ABLIM1: variants seen among roughly 807,000 people sequenced by gnomAD.
ABLIM1 encodes the protein actin binding LIM protein 1.
A neutral mutation model predicts 107.0 loss-of-function variants in ABLIM1; 40 were observed. That is an observed-to-expected ratio of 0.37 (90% CI 0.29 to 0.49). The LOEUF is 0.49. Among genes scored for constraint, ABLIM1 ranks in the 20% least tolerant of loss-of-function variants. ABLIM1 has a pLI of 0.97. For missense variants in ABLIM1, 857 were observed against 1,008.5 expected (o/e 0.85, Z 2.04); for synonymous variants, 357 against 357.3 (o/e 1.00, Z 0.01).
rs56848531 is a variant in ABLIM1 at position 114,684,223 on chromosome 10, T to C, written c.64+67A>G. 7.3e-4 allele frequency: 1,102 copies of C among 1,506,508 alleles called. 7 individuals carry two copies. The African/African-American group carries it at 0.014, about 19-fold the overall frequency. The allele number at this position is 1,506,508 out of a possible 1,614,324, so 93.3% of individuals were successfully genotyped here. The stretch of plus-strand genomic sequence containing the variant: ...AAATGGAAAAGCCCTGCATCTTTCC[T>C]CATCTTTAAAGACACGGTCGACCCC... On this transcript the variant is annotated intron_variant, in intron 1 of 23. Transcript: ENST00000369256.
intron 1 of ABLIM1, among the ~76,000 whole-genome samples, chr10:114,706,447 G>A (rs978514063): frequency 6.6e-6 from 1 of 152,180 alleles, no homozygotes; most frequent in African/African-American, 2.4e-5. Context: ...ATGTCTGCTG[G>A]CAATGATGAT....
chr10:114,717,676 A>C (rs1266682385), intron 1 of ABLIM1, among the ~76,000 whole-genome samples: 1 of 152,120 alleles, frequency 6.6e-6, no homozygotes, highest in African/African-American at 2.4e-5. Flanking sequence ...GCACTTTGGG[A>C]GGCTGAAGCG....
intron 4 of ABLIM1, among the ~76,000 whole-genome samples, chr10:114,563,487 C>A (rs1030239964): frequency 5.3e-5 from 8 of 152,006 alleles, no homozygotes; most frequent in Admixed American, 5.2e-4. Context: ...TGCGCCAATG[C>A]GGTTTCTTAG....
chr10:114,542,577 CGAG>C (rs1217299942), intron 6 of ABLIM1, among the ~76,000 whole-genome samples: 2 of 97,636 alleles, frequency 2.0e-5, no homozygotes, highest in Non-Finnish European at 2.3e-5. Flanking sequence ...GGGAGGAGGA[CGAG>C]GAGGAGGAGG....
At chr10:114,509,378 G>A (rs1007303452) in intron 6 of ABLIM1, among the ~76,000 whole-genome samples, 19 of 152,084 alleles carry the variant, frequency 1.2e-4, no homozygotes, top group African/African-American at 4.6e-4. Flanking sequence ...AGGCAACCAA[G>A]GAGCTCTTTG....
intron 19 of ABLIM1, 106 bp downstream of exon 19, chr10:114,440,911 T>C: frequency 2.7e-6 from 3 of 1,123,746 alleles, no homozygotes; most frequent in Non-Finnish European, 4.0e-6. Flanking sequence ...GTGATCCTAC[T>C]CTAAGGATAC....
chr10:114,672,936 A>T (rs2080317140), intron 1 of ABLIM1, among the ~76,000 whole-genome samples: 1 of 152,100 alleles, frequency 6.6e-6, no homozygotes, highest in Non-Finnish European at 1.5e-5. Context: ...GGTATTGTTT[A>T]TGGATTCTAC....
chr10:114,611,476 A>T (rs1327894567), intron 1 of ABLIM1, among the ~76,000 whole-genome samples: 1 of 151,808 alleles, frequency 6.6e-6, no homozygotes, highest in Non-Finnish European at 1.5e-5. Flanking sequence ...CCTAGAAAAA[A>T]AAAAAAAAGA....
At chr10:114,736,805 C>A (rs2082189499) in intron 1 of ABLIM1, among the ~76,000 whole-genome samples, 1 of 152,196 alleles carries the variant, frequency 6.6e-6, no homozygotes, top group Non-Finnish European at 1.5e-5. Context: ...GGCACACCTG[C>A]ACAGCCTAGA....
chr10:114,788,690 C>G, the ABLIM1 span, among the ~76,000 whole-genome samples: 1 of 151,146 alleles, frequency 6.6e-6, no homozygotes, highest in Non-Finnish European at 1.5e-5. Flanking sequence ...ATTGCCCCAC[C>G]GCACTCCAGC....
At chr10:114,725,441 T>C (rs544181104) in intron 1 of ABLIM1, among the ~76,000 whole-genome samples, 1 of 152,310 alleles carries the variant, frequency 6.6e-6, no homozygotes, top group African/African-American at 2.4e-5. Flanking sequence ...CCAGCATACC[T>C]GTATGTGCCA....
chr10:114,439,624 C>T, intron 20 of ABLIM1: 1 of 367,568 alleles, frequency 2.7e-6, no homozygotes, highest in Non-Finnish European at 5.0e-6. Flanking sequence ...TTCTTTCTTT[C>T]TTTTTTTAAC....
intron 1 of ABLIM1, among the ~76,000 whole-genome samples, chr10:114,739,398 G>A (rs1223646606): frequency 1.3e-5 from 2 of 152,150 alleles, no homozygotes; most frequent in Non-Finnish European, 2.9e-5. Flanking sequence ...AGGCAGGACA[G>A]GGTTGGGAGA....
chr10:114,798,175 C>T, the ABLIM1 span, among the ~76,000 whole-genome samples: 1 of 152,196 alleles, frequency 6.6e-6, no homozygotes, highest in Middle Eastern at 3.2e-3. Flanking sequence ...AATCCCAGCA[C>T]TTTGGGAGGC....
intron 11 of ABLIM1, among the ~76,000 whole-genome samples, chr10:114,467,622 A>G (rs1410469852): frequency 6.6e-6 from 1 of 152,264 alleles, no homozygotes; most frequent in Non-Finnish European, 1.5e-5. Flanking sequence ...GAATATAGGT[A>G]GAAATTAATA....
chr10:114,568,371 C>T (rs933847789), intron 4 of ABLIM1, among the ~76,000 whole-genome samples: 1 of 151,916 alleles, frequency 6.6e-6, no homozygotes, highest in African/African-American at 2.4e-5. Flanking sequence ...GCACGTCCTG[C>T]ACATGTACCC....
intron 12 of ABLIM1, among the ~76,000 whole-genome samples, chr10:114,460,949 A>C (rs2063762226): frequency 6.6e-6 from 1 of 152,244 alleles, no homozygotes; most frequent in Non-Finnish European, 1.5e-5. Context: ...TTTCTACAAA[A>C]AGTATCTCTC....
intron 20 of ABLIM1, 144 bp downstream of exon 20, chr10:114,439,938 C>T: frequency 2.1e-6 from 3 of 1,415,998 alleles, no homozygotes; most frequent in Non-Finnish European, 1.9e-6. Context: ...GTCTGCTCTT[C>T]ACGGCTATAG....
chr10:114,769,550 A>C (rs2082997470), upstream of ABLIM1, among the ~76,000 whole-genome samples: 1 of 128,452 alleles, frequency 7.8e-6, no homozygotes, highest in Non-Finnish European at 1.7e-5. Context: ...GGAAGGAAGA[A>C]AGAAAGAGAA....
Sources: allele counts gnomAD v4.1 joint callset (sites outside exome capture counted in the v4.1 genomes callset), GRCh38; gene constraint gnomAD v4.1.1; transcripts MANE v1.5; gene names NCBI Gene and HGNC (gene_info 2026-07-23, HGNC 2026-07-21).